SMCHD1: variants seen among roughly 807,000 people sequenced by gnomAD.
SMCHD1 encodes the protein structural maintenance of chromosomes flexible hinge domain-containing protein 1.
SMCHD1 carries 78 observed loss-of-function variants against 254.7 expected under a neutral mutation model. The observed-to-expected ratio is 0.31, with a 90% CI of 0.26 to 0.37. The LOEUF (loss-of-function observed/expected upper bound fraction) is 0.37, where lower values mean the gene tolerates loss of function less well. Among genes scored for constraint, SMCHD1 ranks in the 10% least tolerant of loss-of-function variants. The pLI, the probability that SMCHD1 is intolerant of heterozygous loss-of-function variation, is 1.00. For synonymous variants in SMCHD1, 766 were observed against 794.9 expected, an observed-to-expected ratio of 0.96 and a Z score of 0.61; for missense variants, 1,840 against 2,408.1, an observed-to-expected ratio of 0.76 and a Z score of 4.94.
At chr18:2,729,156 A>G in intron 23 of SMCHD1, 119 bp from the exon 24 acceptor site, 1 of 765,758 alleles carries the variant, frequency 1.3e-6, no homozygotes, top group Non-Finnish European at 1.9e-6. Flanking sequence ...TTTACTTAGA[A>G]TTTTCTTATT....
intron 8 of SMCHD1, among the ~76,000 whole-genome samples, chr18:2,695,121 T>A (rs2074258893): frequency 6.6e-6 from 1 of 152,134 alleles, no homozygotes; most frequent in Non-Finnish European, 1.5e-5. Flanking sequence ...ACATGGTAGA[T>A]GCTCAAATGT....
chr18:2,775,311 CTG>C (rs1274684474), intron 41 of SMCHD1, among the ~76,000 whole-genome samples: 1 of 115,928 alleles, frequency 8.6e-6, no homozygotes, highest in South Asian at 4.5e-4. Context: ...GGCTTATTAA[CTG>C]TATTTATGTT....
chr18:2,715,371 C>T (rs946405510), intron 17 of SMCHD1, among the ~76,000 whole-genome samples: 24 of 152,172 alleles, frequency 1.6e-4, no homozygotes, highest in Admixed American at 1.3e-3. Context: ...GATTCTCCTG[C>T]TTGGTCTAGT....
intron 3 of SMCHD1, among the ~76,000 whole-genome samples, chr18:2,672,367 T>C (rs1422186617): frequency 4.6e-5 from 7 of 151,988 alleles, no homozygotes; most frequent in African/African-American, 1.7e-4. Context: ...GCTGGGATTA[T>C]AGGCACCAGC....
chr18:2,788,414 A>G (rs1007813457), intron 45 of SMCHD1, among the ~76,000 whole-genome samples: 11 of 152,224 alleles, frequency 7.2e-5, no homozygotes, highest in African/African-American at 2.2e-4. Flanking sequence ...TCTCATGTTT[A>G]GAACAGTGTG....
Position 2,793,672 on chromosome 18 carries a change from G to GAA in SMCHD1, c.5720-2275_5720-2274dup, listed in dbSNP as rs77607786. Among the ~76,000 whole-genome samples, 6 of 65,896 alleles carry GAA rather than the reference G, an allele frequency of 9.1e-5. No homozygotes were observed. The South Asian group carries it at 1.7e-3, about 18-fold the overall frequency. 43.2% of individuals were successfully genotyped at this position (65,896 alleles called of 152,430 possible). A position where few individuals can be genotyped will look rare whatever the true frequency, so the allele number is the denominator to read the frequency against. On this transcript the variant is annotated intron_variant, in intron 45 of 47. Transcript: ENST00000320876. ...ACTCCGTCTCAAAAAAAAAAAAAAA[G>GAA]AAAGAAAACATTGCTTTAATGTGGA...
chr18:2,796,587 C>T, intron 47 of SMCHD1, 66 bp downstream of exon 47: 1 of 1,099,976 alleles, frequency 9.1e-7, no homozygotes, highest in Non-Finnish European at 1.3e-6. Flanking sequence ...CTCATGATAG[C>T]TTTGTTTTTT....
At chr18:2,725,946 A>G (rs2075019637) in intron 21 of SMCHD1, among the ~76,000 whole-genome samples, 1 of 151,942 alleles carries the variant, frequency 6.6e-6, no homozygotes, top group Non-Finnish European at 1.5e-5. Context: ...AGAGCTTTAT[A>G]TATTTATCCA....
At chr18:2,787,440 A>T (rs962164116) in intron 45 of SMCHD1, among the ~76,000 whole-genome samples, 1 of 152,194 alleles carries the variant, frequency 6.6e-6, no homozygotes, top group African/African-American at 2.4e-5. Flanking sequence ...AAGTTTTTTA[A>T]TTAGTAGTTG....
intron 1 of SMCHD1, among the ~76,000 whole-genome samples, chr18:2,664,835 A>T (rs1319627890): frequency 6.6e-6 from 1 of 152,262 alleles, no homozygotes; most frequent in African/African-American, 2.4e-5. Context: ...CTCATCAGCC[A>T]GAGCTATTTT....
chr18:2,734,723 A>G (rs1416770860), intron 25 of SMCHD1, among the ~76,000 whole-genome samples: 5 of 151,962 alleles, frequency 3.3e-5, no homozygotes, highest in African/African-American at 7.3e-5. Context: ...AACTAAAAAC[A>G]TTAGAGGAGC....
intron 25 of SMCHD1, among the ~76,000 whole-genome samples, chr18:2,734,626 G>A (rs184976660): frequency 2.0e-5 from 3 of 146,366 alleles, no homozygotes; most frequent in East Asian, 4.1e-4. Context: ...TATCTTTTTT[G>A]TGGAACTCTT....
chr18:2,695,433 C>G lies in SMCHD1; in HGVS notation c.1040+740C>G, dbSNP rs572998378. 2.0e-5 allele frequency among the ~76,000 whole-genome samples: 3 copies of G among 152,052 alleles called. No individual in the cohort carries two copies. The East Asian group carries it at 5.8e-4, about 29-fold the overall frequency. ...CAAGTGATTCTCCTGCCTCAGCCTC[C>G]CGAGTAGCTGGGATTACAGGCGCGT... is the stretch of plus-strand genomic sequence containing the variant. On this transcript the variant is annotated intron_variant, in intron 8 of 47. Coordinates refer to ENST00000320876, the MANE Select transcript of SMCHD1 (RefSeq NM_015295.3).
chr18:2,686,159 G>A (rs777179274), intron 5 of SMCHD1, among the ~76,000 whole-genome samples: 2 of 152,056 alleles, frequency 1.3e-5, no homozygotes, highest in Non-Finnish European at 2.9e-5. Context: ...GTTTTGCTGA[G>A]CATCTGTTTG....
chr18:2,766,092 C>A (rs1011136489), intron 37 of SMCHD1, among the ~76,000 whole-genome samples: 1 of 151,472 alleles, frequency 6.6e-6, no homozygotes, highest in Middle Eastern at 3.4e-3. Context: ...CTCCCGGGTT[C>A]ACGCCATTCT....
At chr18:2,670,191 T>C (rs2073557270) in intron 3 of SMCHD1, among the ~76,000 whole-genome samples, 2 of 152,186 alleles carry the variant, frequency 1.3e-5, no homozygotes, top group Non-Finnish European at 2.9e-5. Flanking sequence ...CTAGCTCTGC[T>C]TTGTACTTCT....
At chr18:2,690,317 CAT>C (rs1272224777) in intron 7 of SMCHD1, among the ~76,000 whole-genome samples, 13 of 152,162 alleles carry the variant, frequency 8.5e-5, no homozygotes, top group African/African-American at 2.9e-4. Flanking sequence ...ATGAATGTAA[CAT>C]AATTTCATGA....
At chr18:2,714,101 A>G (rs2074742511) in intron 17 of SMCHD1, among the ~76,000 whole-genome samples, 1 of 152,164 alleles carries the variant, frequency 6.6e-6, no homozygotes, top group Admixed American at 6.5e-5. Context: ...AGGGTGTTGA[A>G]TCCATTATTA....
rs949265753 is a variant in SMCHD1, at chr18:2,804,631, G to A, written c.*2079G>A. On this transcript the variant is annotated 3_prime_UTR_variant, in exon 48 of 48. Coordinates refer to ENST00000320876, the MANE Select transcript of SMCHD1 (RefSeq NM_015295.3). ...TGGTTCCCAGTAATTACAGTAAGGA[G>A]TTTTTCTATATTTTCACAGTTGGAT... 1 of 152,126 alleles carries A rather than the reference G, an allele frequency of 6.6e-6. No individual in the cohort carries two copies. The highest frequency in any genetic ancestry group is 1.5e-5 in the Non-Finnish European group (1 of 68,034). 9.4% of individuals were successfully genotyped at this position (152,126 alleles called of 1,614,324 possible).
Sources: gnomAD v4.1 joint callset for allele counts (sites outside exome capture counted in the v4.1 genomes callset) on GRCh38, gnomAD v4.1.1 for gene constraint, MANE v1.5 for transcripts, NCBI Gene and HGNC (gene_info 2026-07-23, HGNC 2026-07-21) for gene names.